The following IMMP2L variants were observed in gnomAD, a reference collection of about 807,000 sequenced individuals.
IMMP2L encodes inner mitochondrial membrane peptidase subunit 2, also known as mitochondrial inner membrane protease subunit 2.
A neutral mutation model predicts 19.3 loss-of-function variants in IMMP2L; 18 were observed. That is an observed-to-expected ratio of 0.93 (90% CI 0.64 to 1.38). IMMP2L has a LOEUF of 1.38. IMMP2L is among the 40% of genes most tolerant of loss of function. IMMP2L has a pLI of 0.00. For synonymous variants in IMMP2L, 76 were observed against 73.0 expected (o/e 1.04, Z -0.21); for missense variants, 233 against 218.2 (o/e 1.07, Z -0.43).
At chr7:111,156,301 C>T (rs896763783) in intron 3 of IMMP2L, among the ~76,000 whole-genome samples, 4 of 152,070 alleles carry the variant, frequency 2.6e-5, no homozygotes, top group African/African-American at 7.2e-5. Context: ...GTTATACCAA[C>T]TTACATTGCC....
At chr7:111,344,586 G>C (rs1827349022) in intron 3 of IMMP2L, among the ~76,000 whole-genome samples, 1 of 152,180 alleles carries the variant, frequency 6.6e-6, no homozygotes, top group Admixed American at 6.6e-5. Flanking sequence ...AAAAGGCAGG[G>C]AAGCTGTCTA....
chr7:111,390,086 G>C (rs1238685309), intron 3 of IMMP2L, among the ~76,000 whole-genome samples: 2 of 152,092 alleles, frequency 1.3e-5, no homozygotes, highest in African/African-American at 4.8e-5. Context: ...CCCCTTCAAA[G>C]AAGCACTCAC....
chr7:111,052,912 T>A (rs1409651066), intron 3 of IMMP2L, among the ~76,000 whole-genome samples: 1 of 152,146 alleles, frequency 6.6e-6, no homozygotes, highest in Non-Finnish European at 1.5e-5. Flanking sequence ...CCCTGTTCTT[T>A]CCTCCCCTAA....
chr7:110,907,745 A>AC, intron 4 of IMMP2L, among the ~76,000 whole-genome samples: 1 of 152,274 alleles, frequency 6.6e-6, no homozygotes, highest in Non-Finnish European at 1.5e-5. Context: ...TATAGTAAAA[A>AC]TTTTATATTC....
chr7:111,462,668 T>TAGAAGTTA (rs1840241797), intron 3 of IMMP2L, among the ~76,000 whole-genome samples: 1 of 152,100 alleles, frequency 6.6e-6, no homozygotes, highest in Non-Finnish European at 1.5e-5. Flanking sequence ...TTTTCTTAAC[T>TAGAAGTTA]AGAAGTTCAA....
chr7:110,849,275 A>AT (rs1805970063), intron 5 of IMMP2L, among the ~76,000 whole-genome samples: 1 of 152,160 alleles, frequency 6.6e-6, no homozygotes, highest in Non-Finnish European at 1.5e-5. Flanking sequence ...CTCAGTGTAC[A>AT]TATCTATCTG....
chr7:111,160,888 A>G (rs1271602175), intron 3 of IMMP2L, among the ~76,000 whole-genome samples: 1 of 151,456 alleles, frequency 6.6e-6, no homozygotes, highest in Non-Finnish European at 1.5e-5. Context: ...AAGAGAGCCA[A>G]ATAAATATTA....
intron 3 of IMMP2L, among the ~76,000 whole-genome samples, chr7:111,178,830 T>C (rs750843656): frequency 6.6e-6 from 1 of 152,082 alleles, no homozygotes; most frequent in Non-Finnish European, 1.5e-5. Context: ...TCTCCACTTA[T>C]GTCTTGAACC....
chr7:111,379,180 T>C (rs1414983821), intron 3 of IMMP2L, among the ~76,000 whole-genome samples: 3 of 144,252 alleles, frequency 2.1e-5, no homozygotes, highest in Non-Finnish European at 4.6e-5. Context: ...TAAAATATCA[T>C]TGAAAACTTC....
chr7:111,069,858 G>A (rs1174573060), intron 3 of IMMP2L, among the ~76,000 whole-genome samples: 1 of 152,096 alleles, frequency 6.6e-6, no homozygotes, highest in Non-Finnish European at 1.5e-5. Flanking sequence ...CAAGTTTCCA[G>A]GGCCAAAGAC....
At chr7:111,467,828 TCTCCAA>T (rs1650975327) in intron 3 of IMMP2L, among the ~76,000 whole-genome samples, 1 of 152,082 alleles carries the variant, frequency 6.6e-6, no homozygotes, top group Non-Finnish European at 1.5e-5. Flanking sequence ...TTCTTAAAGG[TCTCCAA>T]GAAGTAGTAC....
At chr7:111,081,746 T>TG (rs200733301) in intron 3 of IMMP2L, among the ~76,000 whole-genome samples, 2,870 of 152,326 alleles carry the variant, frequency 0.019, 41 homozygotes, top group Middle Eastern at 0.041. Context: ...CTTCCTCCTG[T>TG]GACTTTCTAT....
intron 3 of IMMP2L, among the ~76,000 whole-genome samples, chr7:111,059,051 C>T (rs1014849623): frequency 4.6e-5 from 7 of 151,960 alleles, no homozygotes; most frequent in African/African-American, 1.2e-4. Context: ...GGCGCAATCT[C>T]GGCTCACTGC....
chr7:111,165,509 C>T (rs957522067), intron 3 of IMMP2L, among the ~76,000 whole-genome samples: 1 of 152,172 alleles, frequency 6.6e-6, no homozygotes, highest in South Asian at 2.1e-4. Flanking sequence ...CTATTTTCCA[C>T]AGTGGCTATT....
At chr7:111,164,901 T>G (rs1402937756) in intron 3 of IMMP2L, among the ~76,000 whole-genome samples, 1 of 152,070 alleles carries the variant, frequency 6.6e-6, no homozygotes, top group African/African-American at 2.4e-5. Context: ...TATTTTTTAC[T>G]GTAGAGAAAT....
intron 3 of IMMP2L, among the ~76,000 whole-genome samples, chr7:111,323,758 T>C (rs1029378947): frequency 1.3e-5 from 2 of 152,084 alleles, no homozygotes; most frequent in Non-Finnish European, 2.9e-5. Flanking sequence ...CCAACAATGA[T>C]AGACTGGATA....
chr7:111,503,837 A>G (rs1409352933), intron 2 of IMMP2L, among the ~76,000 whole-genome samples: 7 of 152,158 alleles, frequency 4.6e-5, no homozygotes, highest in African/African-American at 1.7e-4. Flanking sequence ...AATAAGAGCT[A>G]TCTATGACAA....
chr7:111,085,586 C>T (rs1586164427), intron 3 of IMMP2L, among the ~76,000 whole-genome samples: 1 of 152,070 alleles, frequency 6.6e-6, no homozygotes. Flanking sequence ...ACCAGTGATG[C>T]TGAGCTATTT....
At chr7:111,386,299 T>C (rs1831745357) in intron 3 of IMMP2L, among the ~76,000 whole-genome samples, 1 of 152,176 alleles carries the variant, frequency 6.6e-6, no homozygotes, top group South Asian at 2.1e-4. Context: ...CTTAATATCA[T>C]TGCTCTTTTT....
Sources: gnomAD v4.1 joint callset for allele counts (sites outside exome capture counted in the v4.1 genomes callset) on GRCh38, gnomAD v4.1.1 for gene constraint, MANE v1.5 for transcripts, NCBI Gene and HGNC (gene_info 2026-07-23, HGNC 2026-07-21) for gene names.